ZNF536: variants seen among roughly 807,000 people sequenced by gnomAD.
ZNF536 encodes the protein zinc finger protein 536.
Under a neutral mutation model 84.5 loss-of-function variants are expected in ZNF536, and 13 were observed. The ratio of observed to expected loss-of-function variants is 0.15; its 90% CI spans 0.10 to 0.24. The LOEUF (loss-of-function observed/expected upper bound fraction) is 0.24, where lower values mean the gene tolerates loss of function less well. Ranked by LOEUF, ZNF536 falls within the 10% of genes least tolerant of loss-of-function variation. ZNF536 has a pLI of 1.00. For missense variants in ZNF536, 1,536 were observed against 1,747.5 expected (o/e 0.88, Z 2.16); for synonymous variants, 811 against 742.5 (o/e 1.09, Z -1.50).
intron 1 of ZNF536, among the ~76,000 whole-genome samples, chr19:30,407,252 G>A (rs1169736775): frequency 6.6e-6 from 1 of 152,124 alleles, no homozygotes; most frequent in African/African-American, 2.4e-5. Context: ...TTATATTGAC[G>A]TTTTGCTAGT....
chr19:30,430,446 C>A (rs1708812840), intron 1 of ZNF536, among the ~76,000 whole-genome samples: 2 of 152,172 alleles, frequency 1.3e-5, no homozygotes, highest in South Asian at 4.1e-4. Flanking sequence ...TTTGGACAGG[C>A]ATACAAACAA....
chr19:30,530,446 A>G (rs947730914), intron 2 of ZNF536, among the ~76,000 whole-genome samples: 2 of 152,044 alleles, frequency 1.3e-5, no homozygotes, highest in African/African-American at 4.8e-5. Flanking sequence ...TCCCAGGTTC[A>G]AGCAATTCTC....
At chr19:30,410,393 G>A (rs1278774752) in intron 1 of ZNF536, among the ~76,000 whole-genome samples, 1 of 137,638 alleles carries the variant, frequency 7.3e-6, no homozygotes, top group East Asian at 2.2e-4. Context: ...TTTACTTTTT[G>A]TTCTTTGAAA....
chr19:30,450,781 A>C (rs775206757), intron 2 of ZNF536, among the ~76,000 whole-genome samples: 4 of 152,204 alleles, frequency 2.6e-5, no homozygotes, highest in Non-Finnish European at 4.4e-5. Context: ...TTTTAAAATC[A>C]CATTTAGCCT....
chr19:30,452,452 A>C (rs572951301), intron 2 of ZNF536, among the ~76,000 whole-genome samples: 9 of 152,348 alleles, frequency 5.9e-5, no homozygotes, highest in Non-Finnish European at 8.8e-5. Context: ...AGTTTCTGGC[A>C]GGTAGCCCTG....
intron 1 of ZNF536, among the ~76,000 whole-genome samples, chr19:30,637,632 C>T (rs1205363576): frequency 2.0e-5 from 3 of 152,192 alleles, no homozygotes; most frequent in Admixed American, 2.0e-4. Context: ...AACAAAAGCA[C>T]ATATTTTAAC....
chr19:30,318,279 C>A (rs1170427223), intron 2 of ZNF536, among the ~76,000 whole-genome samples: 2 of 152,190 alleles, frequency 1.3e-5, no homozygotes, highest in Admixed American at 1.3e-4. Context: ...GCTTACAATG[C>A]ATGAAGATGG....
At chr19:30,701,087 T>G (rs1015289452) in intron 1 of ZNF536, among the ~76,000 whole-genome samples, 1 of 152,160 alleles carries the variant, frequency 6.6e-6, no homozygotes, top group African/African-American at 2.4e-5. Flanking sequence ...TATTTTGTGA[T>G]CCCATGCTCT....
Position 30,356,752 on chromosome 19 carries a change from G to A in ZNF536, c.-3+4268G>A, listed in dbSNP as rs1441192841. ...GATAGAGTGGAGCTCATTCTCGCAT[G>A]TGCATTTCTTGATATCATCTCAATT... On this transcript the variant is annotated intron_variant, in intron 3 of 5. Transcript: ENST00000585628. Among the ~76,000 whole-genome samples, 4 of 152,224 alleles carry A rather than the reference G, an allele frequency of 2.6e-5. No individual in the cohort carries two copies. In the East Asian group the frequency reaches 5.8e-4, roughly 22 times the overall value.
chr19:30,229,937 C>T (rs923167553), intron 1 of ZNF536, among the ~76,000 whole-genome samples: 1 of 152,144 alleles, frequency 6.6e-6, no homozygotes, highest in Non-Finnish European at 1.5e-5. Flanking sequence ...GCTGAGGGAC[C>T]CGTTTTCCCA....
At chr19:30,515,728 A>G (rs1662521096) in intron 2 of ZNF536, among the ~76,000 whole-genome samples, 1 of 152,130 alleles carries the variant, frequency 6.6e-6, no homozygotes, top group African/African-American at 2.4e-5. Flanking sequence ...AAGAATGCCC[A>G]TTGCTCTAGG....
At chr19:30,312,685 C>T (rs906252133) in intron 2 of ZNF536, among the ~76,000 whole-genome samples, 1 of 152,186 alleles carries the variant, frequency 6.6e-6, no homozygotes, top group Admixed American at 6.5e-5. Context: ...GTGGACCACC[C>T]CCACTGCTCA....
intron 1 of ZNF536, among the ~76,000 whole-genome samples, chr19:30,637,740 C>T (rs185608870): frequency 9.9e-5 from 15 of 152,202 alleles, no homozygotes; most frequent in East Asian, 1.9e-4. Flanking sequence ...AGATACTTGG[C>T]GAGAGTAGAG....
chr19:30,250,103 ACT>A (rs1491473031), intron 1 of ZNF536, among the ~76,000 whole-genome samples: 2 of 152,000 alleles, frequency 1.3e-5, no homozygotes, highest in Non-Finnish European at 2.9e-5. Flanking sequence ...TTGTTGTGTG[ACT>A]CTGATGTTTG....
intron 1 of ZNF536, among the ~76,000 whole-genome samples, chr19:30,229,004 G>A (rs529372110): frequency 9.2e-5 from 14 of 152,098 alleles, no homozygotes; most frequent in Non-Finnish European, 1.5e-4. Flanking sequence ...CGGTCCCAGT[G>A]GCCGCCGCTG....
intron 1 of ZNF536, among the ~76,000 whole-genome samples, chr19:30,241,258 T>C (rs1245286102): frequency 1.3e-5 from 2 of 152,152 alleles, no homozygotes; most frequent in African/African-American, 4.8e-5. Context: ...GAGCCTACAG[T>C]GAACAGTGAT....
intron 2 of ZNF536, among the ~76,000 whole-genome samples, chr19:30,510,273 A>G (rs984555835): frequency 3.3e-5 from 5 of 152,234 alleles, no homozygotes; most frequent in Admixed American, 2.6e-4. Context: ...TAAATATACA[A>G]TTCAAAATGT....
At position 30,548,613 on chromosome 19, in the gene ZNF536, T is replaced by G; in HGVS notation, c.2994T>G (p.Ile998Met). 6.2e-7 allele frequency: 1 copy of G among 1,614,142 alleles called. No individual in the cohort carries two copies. The part of the protein sequence containing the change: ...PGSSVTVQDS[I>M]AWHGCLFCAF... ...CCTCGGTAACTGTGCAGGACAGCATTGCATGGCACGGCTGCTTGTTTTGTG... is the reference window on the plus strand; with the variant it reads ...CCTCGGTAACTGTGCAGGACAGCATGGCATGGCACGGCTGCTTGTTTTGTG... The change falls in exon 4 of 5, where the codon ATT becomes ATG. Residue 998 changes from isoleucine (I) to methionine (M), a missense_variant. Transcript: ENST00000355537.
chr19:30,588,566 A>T (rs980345604), intron 1 of ZNF536, among the ~76,000 whole-genome samples: 5 of 151,856 alleles, frequency 3.3e-5, no homozygotes, highest in Non-Finnish European at 5.9e-5. Flanking sequence ...TCCTGTTTCC[A>T]TTTTTTTTCT....
Sources: gnomAD v4.1 joint callset for allele counts (sites outside exome capture counted in the v4.1 genomes callset) on GRCh38, gnomAD v4.1.1 for gene constraint, MANE v1.5 for transcripts, NCBI Gene and HGNC (gene_info 2026-07-23, HGNC 2026-07-21) for gene names.